Variants in GRID2 observed in about 807,000 individuals in gnomAD.
GRID2 encodes glutamate ionotropic receptor delta type subunit 2.
In GRID2, 33 loss-of-function variants were observed where a neutral mutation model predicts 114.8. That is an observed-to-expected ratio of 0.29 (90% CI 0.22 to 0.38). The LOEUF (loss-of-function observed/expected upper bound fraction) is 0.38. Among genes scored for constraint, GRID2 ranks in the 10% least tolerant of loss-of-function variants. The pLI is 1.00. For missense variants in GRID2, 1,184 were observed against 1,257.7 expected, an observed-to-expected ratio of 0.94 and a Z score of 0.89; for synonymous variants, 505 against 449.9, an observed-to-expected ratio of 1.12 and a Z score of -1.55.
rs1216825397 is a variant in GRID2 at position 92,502,955 on chromosome 4, A to T, written c.89-87176A>T. Reference sequence around the variant, plus strand: ...CTGATCTCAAACTGCTGACCCCATGATCAGCCCACCTTAGCTTCCCAAAGT... The same window carrying T: ...CTGATCTCAAACTGCTGACCCCATGTTCAGCCCACCTTAGCTTCCCAAAGT... On this transcript the variant is annotated intron_variant, in intron 1 of 15. Coordinates refer to ENST00000282020, the MANE Select transcript of GRID2 (RefSeq NM_001510.4). 2.6e-5 allele frequency among the ~76,000 whole-genome samples: 4 copies of T among 151,960 alleles called. No homozygotes were observed. In the East Asian group the frequency reaches 7.7e-4, roughly 29 times the overall value.
rs148755907 is a variant in GRID2 at position 93,617,853 on chromosome 4, A to G, written c.2194-8416A>G. 6.4e-4 allele frequency among the ~76,000 whole-genome samples: 97 copies of G among 152,344 alleles called. 1 individual carries two copies. Among genetic ancestry groups the G allele is most frequent in the African/African-American group, 2.2e-3 (90 of 41,576 alleles). On this transcript the variant is annotated intron_variant, in intron 13 of 15. Transcript: ENST00000282020. ...TGTGAACAGCAAATCACAGTTGCCA[A>G]CATCAGCAGTCAGGAGGAAAAACAG...
intron 2 of GRID2, among the ~76,000 whole-genome samples, chr4:92,625,933 T>C (rs1262223584): frequency 6.6e-6 from 1 of 152,036 alleles, no homozygotes; most frequent in Non-Finnish European, 1.5e-5. Context: ...TCTGTGTACA[T>C]TTTGCTTTTT....
chr4:93,756,508 T>G (rs1048419779), intron 14 of GRID2, among the ~76,000 whole-genome samples: 1 of 152,166 alleles, frequency 6.6e-6, no homozygotes, highest in Non-Finnish European at 1.5e-5. Flanking sequence ...TCTCTTGGCT[T>G]GTAGGGAAGC....
At chr4:92,853,892 CA>C (rs1743998657) in intron 2 of GRID2, among the ~76,000 whole-genome samples, 1 of 151,690 alleles carries the variant, frequency 6.6e-6, no homozygotes, top group African/African-American at 2.4e-5. Context: ...CATCGGGTAC[CA>C]TGCCTGCTTC....
chr4:92,926,650 A>T (rs1264503106), intron 2 of GRID2, among the ~76,000 whole-genome samples: 8 of 151,934 alleles, frequency 5.3e-5, no homozygotes. Flanking sequence ...TTACACAATG[A>T]ATTTCATTGT....
chr4:92,472,179 C>T (rs990044677), intron 1 of GRID2, among the ~76,000 whole-genome samples: 1 of 61,054 alleles, frequency 1.6e-5, no homozygotes, highest in Non-Finnish European at 3.4e-5. Flanking sequence ...GTGATCCGCC[C>T]GCCTCGGCCT....
At chr4:93,231,916 A>G (rs1316241218) in intron 7 of GRID2, among the ~76,000 whole-genome samples, 1 of 152,178 alleles carries the variant, frequency 6.6e-6, no homozygotes, top group African/African-American at 2.4e-5. Context: ...AAAATAGATT[A>G]GAAATATTTG....
chr4:93,398,154 T>TATATATATATA (rs1560579294), intron 9 of GRID2, among the ~76,000 whole-genome samples: 4 of 146,204 alleles, frequency 2.7e-5, no homozygotes, highest in South Asian at 2.1e-4. Flanking sequence ...TATATATATC[T>TATATATATATA]TATCATTAAG....
intron 2 of GRID2, among the ~76,000 whole-genome samples, chr4:92,818,177 T>G (rs537512512): frequency 6.6e-6 from 1 of 152,280 alleles, no homozygotes; most frequent in Admixed American, 6.5e-5. Context: ...TTTATGTCTG[T>G]TATTCCCACT....
intron 2 of GRID2, among the ~76,000 whole-genome samples, chr4:92,603,098 T>C (rs1245675587): frequency 6.6e-6 from 1 of 152,060 alleles, no homozygotes; most frequent in Non-Finnish European, 1.5e-5. Context: ...ATAGGAATAA[T>C]CAATATTATG....
At chr4:93,635,596 T>A (rs1721342530) in intron 14 of GRID2, among the ~76,000 whole-genome samples, 1 of 151,920 alleles carries the variant, frequency 6.6e-6, no homozygotes, top group Admixed American at 6.6e-5. Context: ...TGTTTTGAAT[T>A]GAGGATTTTT....
At chr4:93,455,393 T>C (rs1723083686) in intron 10 of GRID2, among the ~76,000 whole-genome samples, 1 of 152,166 alleles carries the variant, frequency 6.6e-6, no homozygotes, top group South Asian at 2.1e-4. Context: ...CTGTGTTATC[T>C]GTGTCTGAAA....
intron 9 of GRID2, among the ~76,000 whole-genome samples, chr4:93,404,716 G>T (rs1766240834): frequency 1.3e-5 from 2 of 152,104 alleles, no homozygotes; most frequent in Non-Finnish European, 2.9e-5. Context: ...GGGTAAGGCA[G>T]TCGGCAAGGC....
intron 4 of GRID2, among the ~76,000 whole-genome samples, chr4:93,133,049 G>T (rs945310716): frequency 6.6e-6 from 1 of 152,110 alleles, no homozygotes; most frequent in Admixed American, 6.6e-5. Flanking sequence ...CTTTCCATGA[G>T]ACATTAAGGG....
At chr4:93,230,245 T>C (rs1395020812) in intron 7 of GRID2, among the ~76,000 whole-genome samples, 1 of 152,038 alleles carries the variant, frequency 6.6e-6, no homozygotes, top group South Asian at 2.1e-4. Flanking sequence ...AAGATATTGA[T>C]GTTTCATATA....
intron 4 of GRID2, among the ~76,000 whole-genome samples, chr4:93,114,945 A>G (rs143674082): frequency 8.5e-5 from 13 of 152,330 alleles, no homozygotes; most frequent in African/African-American, 3.1e-4. Flanking sequence ...GGAATACCGT[A>G]GGAGAACTGA....
chr4:93,198,403 G>A (rs191440714), intron 4 of GRID2, among the ~76,000 whole-genome samples: 2 of 152,242 alleles, frequency 1.3e-5, no homozygotes, highest in East Asian at 3.9e-4. Flanking sequence ...TGAAATGAAG[G>A]AGGGAGCTAT....
At chr4:93,288,168 C>T (rs1753376162) in intron 8 of GRID2, among the ~76,000 whole-genome samples, 1 of 152,142 alleles carries the variant, frequency 6.6e-6, no homozygotes, top group Non-Finnish European at 1.5e-5. Context: ...AATTGTTCTT[C>T]ATTTAATGCC....
intron 1 of GRID2, among the ~76,000 whole-genome samples, chr4:93,792,920 T>C (rs954714168): frequency 2.6e-5 from 4 of 152,144 alleles, no homozygotes; most frequent in Non-Finnish European, 5.9e-5. Context: ...CATCCACTGC[T>C]CCAGGTAGGA....
Sources: gnomAD v4.1 joint callset for allele counts (sites outside exome capture counted in the v4.1 genomes callset) on GRCh38, gnomAD v4.1.1 for gene constraint, MANE v1.5 for transcripts, NCBI Gene and HGNC (gene_info 2026-07-23, HGNC 2026-07-21) for gene names.